The following ST13 variants were observed in gnomAD, a reference collection of about 807,000 sequenced individuals.
ST13 encodes the protein hsc70-interacting protein.
In ST13, 23 loss-of-function variants were observed where a neutral mutation model predicts 56.7. That is an observed-to-expected ratio of 0.41 (90% CI 0.29 to 0.57). The LOEUF (loss-of-function observed/expected upper bound fraction) is 0.57, where lower values mean the gene tolerates loss of function less well. Ranked by LOEUF, ST13 falls within the 20% of genes least tolerant of loss-of-function variation. The probability of loss-of-function intolerance (pLI) is 0.36; values close to 1 mark genes in which losing one functional copy is unlikely to be tolerated. For synonymous variants in ST13, 132 were observed against 142.4 expected (o/e 0.93, Z 0.52); for missense variants, 369 against 459.9 (o/e 0.80, Z 1.81).
intron 5 of ST13, among the ~76,000 whole-genome samples, chr22:40,837,393 A>C (rs1268160582): frequency 3.9e-5 from 6 of 152,136 alleles, no homozygotes; most frequent in Non-Finnish European, 8.8e-5. Flanking sequence ...AGGCAGGTGG[A>C]TCACCTGAGG....
At chr22:40,851,221 T>A (rs1427585010) in intron 1 of ST13, among the ~76,000 whole-genome samples, 2 of 152,230 alleles carry the variant, frequency 1.3e-5, no homozygotes, top group Non-Finnish European at 2.9e-5. Flanking sequence ...AACTTAGAAT[T>A]CAACTCAGTA....
chr22:40,832,474 G>A (rs1321629993), intron 8 of ST13, 95 bp downstream of exon 8: 3 of 874,568 alleles, frequency 3.4e-6, no homozygotes, highest in African/African-American at 3.3e-5. Context: ...TTGTTTCTTT[G>A]CCTGTTTTTC....
At chr22:40,854,525 A>G (rs1281735876) in intron 1 of ST13, 2 of 152,198 alleles carry the variant, frequency 1.3e-5, no homozygotes, top group Admixed American at 6.5e-5. Flanking sequence ...TGCCTGACAA[A>G]TATTTTGCAA....
intron 7 of ST13, among the ~76,000 whole-genome samples, chr22:40,833,729 C>A (rs929113498): frequency 8.6e-5 from 13 of 151,588 alleles, no homozygotes; most frequent in African/African-American, 3.2e-4. Flanking sequence ...AAATTTGCCA[C>A]ACATGGTAGC....
chr22:40,847,845 G>A (rs935390282), intron 3 of ST13, among the ~76,000 whole-genome samples: 99 of 151,998 alleles, frequency 6.5e-4, no homozygotes, highest in African/African-American at 2.3e-3. Context: ...TCAGGAGTTC[G>A]AGGCCAGCCT....
intron 4 of ST13, among the ~76,000 whole-genome samples, chr22:40,842,022 A>G (rs574668963): frequency 6.6e-6 from 1 of 152,270 alleles, no homozygotes; most frequent in African/African-American, 2.4e-5. Flanking sequence ...ACCGGCAAGC[A>G]TAATGGTATA....
At chr22:40,844,560 A>G (rs2057821389) in intron 4 of ST13, among the ~76,000 whole-genome samples, 1 of 152,220 alleles carries the variant, frequency 6.6e-6, no homozygotes, top group Non-Finnish European at 1.5e-5. Flanking sequence ...TTCCATCAAG[A>G]GCAACTCCAC....
At chr22:40,828,059 C>T (rs1382689901) in intron 10 of ST13, among the ~76,000 whole-genome samples, 1 of 152,050 alleles carries the variant, frequency 6.6e-6, no homozygotes, top group East Asian at 1.9e-4. Flanking sequence ...TTAAGGACGA[C>T]CTTAAAAGGC....
At chr22:40,844,251 A>C (rs1203417898) in intron 4 of ST13, among the ~76,000 whole-genome samples, 1 of 152,192 alleles carries the variant, frequency 6.6e-6, no homozygotes, top group African/African-American at 2.4e-5. Flanking sequence ...ATGAAATCTG[A>C]TAATATCAAG....
chr22:40,835,305 T>C (rs577018486), intron 7 of ST13: 2 of 292,272 alleles, frequency 6.8e-6, no homozygotes, highest in South Asian at 1.2e-4. Flanking sequence ...AAGAGTAGCT[T>C]TATTTGAATG....
chr22:40,840,719 G>T, intron 4 of ST13, 27 bp from the exon 5 acceptor site: 1 of 1,584,680 alleles, frequency 6.3e-7, no homozygotes, highest in Non-Finnish European at 8.6e-7. Flanking sequence ...AATCATCTTA[G>T]AATTAGTAGA....
intron 3 of ST13, 31 bp from the exon 4 acceptor site, chr22:40,844,940 C>G: frequency 2.6e-6 from 4 of 1,541,762 alleles, no homozygotes; most frequent in Non-Finnish European, 3.6e-6. Context: ...ACAATAAGAC[C>G]TGCACCGTAC....
At chr22:40,832,806 CCAATT>C (rs1418448288) in intron 7 of ST13, 135 bp from the exon 8 acceptor site, 5 of 647,500 alleles carry the variant, frequency 7.7e-6, no homozygotes, top group Non-Finnish European at 1.3e-5. Flanking sequence ...CTTTCACTAA[CCAATT>C]CAATTACTAT....
At chr22:40,847,375 C>G (rs143136618) in intron 3 of ST13, among the ~76,000 whole-genome samples, 2 of 142,702 alleles carry the variant, frequency 1.4e-5, no homozygotes, top group Non-Finnish European at 3.0e-5. Flanking sequence ...AACCCTGTCT[C>G]TACAAAAAAA....
Position 40,825,646 on chromosome 22 carries a change from G to A in ST13, c.*892C>T, listed in dbSNP as rs966497571. ...TAATGATGATAGCAGTGATGATGCC[G>A]GTGGAAAAAGCCTGTCTTTAGCTCA... is the stretch of plus-strand genomic sequence containing the variant. On this transcript the variant is annotated 3_prime_UTR_variant, in exon 12 of 12. Coordinates refer to ENST00000216218, the MANE Select transcript of ST13 (RefSeq NM_003932.5). 6 of 151,940 alleles carry A rather than the reference G, an allele frequency of 3.9e-5. No homozygotes were observed. The highest frequency in any genetic ancestry group is 6.6e-5 in the Admixed American group (1 of 15,236). 9.4% of individuals were successfully genotyped at this position (151,940 alleles called of 1,614,324 possible). A position where few individuals can be genotyped will look rare whatever the true frequency, so the allele number is the denominator to read the frequency against.
intron 10 of ST13, among the ~76,000 whole-genome samples, chr22:40,828,569 C>T (rs1047211063): frequency 1.3e-4 from 19 of 151,442 alleles, no homozygotes; most frequent in African/African-American, 3.1e-4. Context: ...GCCAAGATCA[C>T]GCCACTGCAC....
chr22:40,833,240 AT>A (rs1392418025), intron 7 of ST13, among the ~76,000 whole-genome samples: 3 of 152,190 alleles, frequency 2.0e-5, no homozygotes, highest in African/African-American at 7.2e-5. Context: ...AAAAATGGAA[AT>A]AAAGCAAATC....
At position 40,856,566 on chromosome 22, in the gene ST13, G is replaced by C. The variant is rs760877659; in HGVS notation, c.-26C>G. On this transcript the variant is annotated 5_prime_UTR_variant, in exon 1 of 12. Coordinates refer to ENST00000216218, the MANE Select transcript of ST13 (RefSeq NM_003932.5). ...GGTAGGGAGGTGGTGGGCGAAACTG[G>C]GGGGGCTACGGCCCGGTTCCAGGCC... 3.8e-6 allele frequency: 6 copies of C among 1,589,796 alleles called. No individual in the cohort carries two copies. Among genetic ancestry groups the C allele is most frequent in the Admixed American group, 3.3e-5 (2 of 59,974 alleles).
Position 40,848,321 on chromosome 22 carries a change from C to T in ST13, c.217G>A (p.Glu73Lys), listed in dbSNP as rs1288365355. ...AGATCACTTTCCTCACTTGATGGTT[C>T]GTCTGCCTTTAAGTCTTCCTCCACC... ...KKVEEDLKAD[E>K]PSSEESDLEI... is the part of the protein sequence containing the mutation. Residue 73 changes from glutamate (E) to lysine (K), a missense_variant, in exon 3 of 12, where the codon GAA becomes AAA. By Grantham distance (56) the Glu-to-Lys change is moderately conservative (BLOSUM62 1). Around this residue, in one of 3 missense-constraint regions of ST13, gnomAD observed 169 missense variants for 175.6 expected, o/e 0.96. Transcript: ENST00000216218. 3.7e-6 allele frequency: 6 copies of T among 1,613,540 alleles called. No individual in the cohort carries two copies. The highest frequency in any genetic ancestry group is 3.3e-5 in the South Asian group (3 of 91,070).
Sources: allele counts gnomAD v4.1 joint callset (sites outside exome capture counted in the v4.1 genomes callset), GRCh38; gene constraint gnomAD v4.1.1; regional missense constraint gnomAD v4.1.1; transcripts MANE v1.5; gene names NCBI Gene and HGNC (gene_info 2026-07-23, HGNC 2026-07-21).